The following SMC5 variants were observed in gnomAD, a reference collection of about 807,000 sequenced individuals.
SMC5 encodes the protein structural maintenance of chromosomes 5.
In SMC5, 88 loss-of-function variants were observed where a neutral mutation model predicts 148.3. The ratio of observed to expected loss-of-function variants is 0.59; its 90% CI spans 0.50 to 0.71. The LOEUF is 0.71. Ranked by LOEUF, SMC5 falls within the 30% of genes least tolerant of loss-of-function variation. SMC5 has a pLI of 0.00. For synonymous variants in SMC5, 421 were observed against 432.8 expected, an observed-to-expected ratio of 0.97 and a Z score of 0.34; for missense variants, 1,142 against 1,298.9, an observed-to-expected ratio of 0.88 and a Z score of 1.86.
rs971690584 is a variant in SMC5 at position 70,319,794 on chromosome 9, A to C, written c.2150+831A>C. ...GTCATTGGGAGAATACTGGTTCATCAAGTCACATAGATATTTCAAACGTTG... is the reference window on the plus strand; with the variant it reads ...GTCATTGGGAGAATACTGGTTCATCCAGTCACATAGATATTTCAAACGTTG... On this transcript the variant is annotated intron_variant, in intron 15 of 24. Transcript: ENST00000361138. 2.0e-5 allele frequency among the ~76,000 whole-genome samples: 3 copies of C among 152,224 alleles called. 1 individual carries two copies. In the East Asian group the frequency reaches 5.8e-4, roughly 29 times the overall value.
intron 17 of SMC5, among the ~76,000 whole-genome samples, chr9:70,332,392 C>CA (rs1262006786): frequency 6.6e-6 from 1 of 151,982 alleles, no homozygotes; most frequent in Non-Finnish European, 1.5e-5. Context: ...TGATGGAATG[C>CA]ACCTGTAATC....
chr9:70,314,138 C>G (rs775084787), intron 11 of SMC5, among the ~76,000 whole-genome samples: 9 of 152,106 alleles, frequency 5.9e-5, no homozygotes, highest in Non-Finnish European at 1.2e-4. Context: ...AGAATTTACC[C>G]TCTCAGTTTA....
intron 2 of SMC5, among the ~76,000 whole-genome samples, chr9:70,266,321 T>C (rs1363832477): frequency 3.3e-5 from 5 of 152,180 alleles, no homozygotes; most frequent in Middle Eastern, 3.2e-3. Context: ...TGTTAATAAC[T>C]AGCCTTGTGA....
intron 8 of SMC5, among the ~76,000 whole-genome samples, chr9:70,289,746 C>G (rs1428479147): frequency 3.3e-5 from 5 of 151,758 alleles, no homozygotes; most frequent in Non-Finnish European, 5.9e-5. Flanking sequence ...TGACACATTT[C>G]TAACAAAAGA....
intron 1 of SMC5, among the ~76,000 whole-genome samples, chr9:70,261,589 A>G (rs2034137590): frequency 6.6e-6 from 1 of 152,218 alleles, no homozygotes. Flanking sequence ...TTCTATAGGC[A>G]GAATGTAGGA....
rs767536996 is a variant in SMC5, at chr9:70,318,852, G to A, written c.2039G>A (p.Ser680Asn). ...GGGTTGATTGCCTTACGTGAAACAA[G>A]CAAACATCTGGAGCACAAAGACAAT... ...DSGLIALRET[S>N]KHLEHKDNEL... is the part of the protein sequence containing the mutation. The change falls in exon 15 of 25, where the codon AGC (serine) becomes AAC (asparagine). Residue 680 changes from serine (S) to asparagine (N), a missense_variant. Around this residue, in one of 5 missense-constraint regions of SMC5, gnomAD observed 743 missense variants for 835.7 expected, o/e 0.89. Coordinates refer to ENST00000361138, the MANE Select transcript of SMC5 (RefSeq NM_015110.4). 1.8e-5 allele frequency: 29 copies of A among 1,608,918 alleles called. No individual in the cohort carries two copies. The highest frequency in any genetic ancestry group is 2.5e-5 in the Non-Finnish European group (29 of 1,177,942).
intron 3 of SMC5, 76 bp downstream of exon 3, chr9:70,268,051 A>T: frequency 2.6e-6 from 3 of 1,155,754 alleles, no homozygotes; most frequent in South Asian, 2.8e-5. Flanking sequence ...TGATGATTAG[A>T]AAAGAGTATT....
intron 24 of SMC5, 66 bp downstream of exon 24, chr9:70,350,537 T>C: frequency 8.9e-7 from 1 of 1,118,436 alleles, no homozygotes; most frequent in South Asian, 1.6e-5. Flanking sequence ...ATCATACAGT[T>C]TTTGTCCCAA....
intron 17 of SMC5, among the ~76,000 whole-genome samples, chr9:70,325,797 A>G (rs1487816265): frequency 6.6e-6 from 1 of 152,168 alleles, no homozygotes; most frequent in Non-Finnish European, 1.5e-5. Flanking sequence ...TTCATATTAG[A>G]TGTTTTGGGA....
intron 3 of SMC5, among the ~76,000 whole-genome samples, chr9:70,273,135 G>C (rs1433381295): frequency 6.7e-6 from 1 of 149,768 alleles, no homozygotes; most frequent in Admixed American, 6.6e-5. Context: ...TAAGCTTACT[G>C]TTTAAAAAAA....
At chr9:70,295,470 C>CAAAA (rs767989666) in intron 8 of SMC5, among the ~76,000 whole-genome samples, 1 of 81,434 alleles carries the variant, frequency 1.2e-5, no homozygotes, top group Non-Finnish European at 2.5e-5. Flanking sequence ...GACCCTGTCT[C>CAAAA]AAAAAAAAAA....
intron 3 of SMC5, among the ~76,000 whole-genome samples, chr9:70,275,441 T>C (rs1564024800): frequency 6.6e-6 from 1 of 152,170 alleles, no homozygotes; most frequent in Admixed American, 6.5e-5. Flanking sequence ...GCTCAAGTGA[T>C]CCTCCCACCT....
intron 8 of SMC5, 48 bp from the exon 9 acceptor site, chr9:70,297,918 A>G (rs1480205885): frequency 6.4e-7 from 1 of 1,569,452 alleles, no homozygotes; most frequent in East Asian, 2.2e-5. Context: ...AGTCTTATAA[A>G]CCAAGAGGAA....
intron 8 of SMC5, among the ~76,000 whole-genome samples, chr9:70,290,446 G>A (rs10868799): frequency 0.64 from 96,877 of 151,998 alleles, 31,637 homozygotes; most frequent in Non-Finnish European, 0.71. Flanking sequence ...AGAATTCTGT[G>A]CCAAGAACCT....
rs772601817 is a variant in SMC5, at chr9:70,314,798, T to C, written c.1635T>C (p.Tyr545=). 17 of 1,579,826 alleles carry C rather than the reference T, an allele frequency of 1.1e-5. No individual in the cohort carries two copies. The highest frequency in any genetic ancestry group is 1.5e-5 in the Non-Finnish European group (17 of 1,162,272). Residue 545 remains tyrosine (Y), a synonymous_variant, in exon 12 of 25, where the codon TAT becomes TAC. Transcript: ENST00000361138. ...CTGTTATTGCTCCCAAGAGTTCATATGCAGACAAAGCACCTTCAAGATCTT... is the reference window on the plus strand; with the variant it reads ...CTGTTATTGCTCCCAAGAGTTCATACGCAGACAAAGCACCTTCAAGATCTT... ...VNAVIAPKSS[Y]ADKAPSRSLN... is the part of the protein sequence containing the mutation.
At chr9:70,350,052 A>T in intron 22 of SMC5, 62 bp from the exon 23 acceptor site, 1 of 1,246,882 alleles carries the variant, frequency 8.0e-7, no homozygotes, top group Non-Finnish European at 1.1e-6. Context: ...ATCCATTTTC[A>T]AATAATAGAA....
At chr9:70,327,860 G>A (rs1002694474) in intron 17 of SMC5, among the ~76,000 whole-genome samples, 8 of 152,278 alleles carry the variant, frequency 5.3e-5, no homozygotes, top group Admixed American at 1.3e-4. Flanking sequence ...TTATGAAGAG[G>A]TTTAATTGAC....
chr9:70,315,775 G>A (rs1373683699), intron 13 of SMC5, among the ~76,000 whole-genome samples, 197 bp downstream of exon 13: 1 of 152,058 alleles, frequency 6.6e-6, no homozygotes, highest in African/African-American at 2.4e-5. Context: ...TGTGAGAGGA[G>A]TGATGTGGAA....
At chr9:70,318,489 C>T (rs1279607543) in intron 13 of SMC5, 25 bp from the exon 14 acceptor site, 1 of 1,493,112 alleles carries the variant, frequency 6.7e-7, no homozygotes, top group Admixed American at 2.1e-5. Flanking sequence ...ATTAGATGTG[C>T]ACTAATAGTT....
Sources: allele counts gnomAD v4.1 joint callset (sites outside exome capture counted in the v4.1 genomes callset), GRCh38; gene constraint gnomAD v4.1.1; regional missense constraint gnomAD v4.1.1; transcripts MANE v1.5; gene names NCBI Gene and HGNC (gene_info 2026-07-23, HGNC 2026-07-21).